The following CPEB3 variants were observed in gnomAD, a reference collection of about 807,000 sequenced individuals.
CPEB3 encodes the protein cytoplasmic polyadenylation element binding protein 3.
A neutral mutation model predicts 67.2 loss-of-function variants in CPEB3; 20 were observed. The ratio of observed to expected loss-of-function variants is 0.30; its 90% CI spans 0.21 to 0.43. The LOEUF is 0.43. CPEB3 is among the 20% of genes least tolerant of loss of function. The pLI is 1.00. For missense variants in CPEB3, 746 were observed against 968.6 expected (o/e 0.77, Z 3.05); for synonymous variants, 376 against 393.1 (o/e 0.96, Z 0.51).
At chr10:92,136,489 G>GA (rs1234449144) in intron 6 of CPEB3, among the ~76,000 whole-genome samples, 2 of 151,588 alleles carry the variant, frequency 1.3e-5, no homozygotes, top group African/African-American at 4.8e-5. Context: ...AACTCAATAG[G>GA]AAAAAAAACT....
At chr10:92,136,987 T>C (rs149811529) in intron 6 of CPEB3, 52 of 199,916 alleles carry the variant, frequency 2.6e-4, no homozygotes, top group African/African-American at 1.1e-3. Flanking sequence ...CCCTCCTCCA[T>C]GGCATCTATG....
At chr10:92,084,013 C>A (rs1843266980) in intron 8 of CPEB3, among the ~76,000 whole-genome samples, 1 of 152,024 alleles carries the variant, frequency 6.6e-6, no homozygotes, top group Non-Finnish European at 1.5e-5. Context: ...GAAACCCCGT[C>A]TCTACTAAAA....
chr10:92,148,536 G>A (rs1437333245), intron 4 of CPEB3, among the ~76,000 whole-genome samples: 2 of 151,912 alleles, frequency 1.3e-5, no homozygotes, highest in Admixed American at 1.3e-4. Flanking sequence ...TATACCATTT[G>A]GGTGCGTTTT....
chr10:92,262,556 C>A (rs1394233249), intron 1 of CPEB3, among the ~76,000 whole-genome samples: 3 of 152,096 alleles, frequency 2.0e-5, no homozygotes, highest in Non-Finnish European at 4.4e-5. Context: ...CTCTAAAACC[C>A]ATGTCTTTGG....
intron 2 of CPEB3, among the ~76,000 whole-genome samples, chr10:92,213,916 T>C (rs141012542): frequency 4.6e-5 from 7 of 152,274 alleles, no homozygotes; most frequent in Admixed American, 2.6e-4. Context: ...AACTCCAGAA[T>C]TACAGAAATA....
In CPEB3 at chr10:92,262,510, A is replaced by C. The variant is rs566815802; in HGVS notation, c.-11-22149T>G. Reference sequence around the variant, plus strand: ...CTTGTCCTGGGTTATAATGTTGGCAAGTAGAGAAGCCAGGATTCCAACCCA... The same window carrying C: ...CTTGTCCTGGGTTATAATGTTGGCACGTAGAGAAGCCAGGATTCCAACCCA... On this transcript the variant is annotated intron_variant, in intron 1 of 9. Transcript: ENST00000265997. Among the ~76,000 whole-genome samples, 3 of 152,272 alleles carry C rather than the reference A, an allele frequency of 2.0e-5. No individual in the cohort carries two copies. The East Asian group carries it at 5.8e-4, about 29-fold the overall frequency.
chr10:92,259,056 G>C (rs897469697), intron 1 of CPEB3, among the ~76,000 whole-genome samples: 2 of 151,366 alleles, frequency 1.3e-5, no homozygotes, highest in Non-Finnish European at 2.9e-5. Flanking sequence ...TCCACCTCCC[G>C]GGTTCAAGCA....
At chr10:92,109,507 C>T (rs1160589762) in intron 7 of CPEB3, among the ~76,000 whole-genome samples, 1 of 152,138 alleles carries the variant, frequency 6.6e-6, no homozygotes, top group Non-Finnish European at 1.5e-5. Flanking sequence ...CCACCTTGGC[C>T]TCCCAAAGTG....
chr10:92,230,874 G>A (rs186811585), intron 2 of CPEB3, among the ~76,000 whole-genome samples: 4 of 152,078 alleles, frequency 2.6e-5, no homozygotes, highest in African/African-American at 9.7e-5. Context: ...CAAAACTTGA[G>A]GCTCCATCCT....
intron 6 of CPEB3, among the ~76,000 whole-genome samples, chr10:92,133,197 A>T (rs1448992698): frequency 2.6e-5 from 4 of 152,208 alleles, no homozygotes; most frequent in Non-Finnish European, 2.9e-5. Flanking sequence ...TAGAGACACA[A>T]AAAACCCTTC....
At chr10:92,244,486 G>A (rs1051796847) in intron 1 of CPEB3, among the ~76,000 whole-genome samples, 2 of 151,130 alleles carry the variant, frequency 1.3e-5, no homozygotes, top group African/African-American at 4.9e-5. Flanking sequence ...TGCCTAGGCT[G>A]GAGTACAGTG....
intron 1 of CPEB3, among the ~76,000 whole-genome samples, chr10:92,276,941 G>A (rs543087710): frequency 6.6e-6 from 1 of 152,094 alleles, no homozygotes; most frequent in Admixed American, 6.6e-5. Flanking sequence ...GATTAATGAT[G>A]GTGAGCATCT....
chr10:92,256,830 A>G (rs1852537534), intron 1 of CPEB3, among the ~76,000 whole-genome samples: 1 of 152,216 alleles, frequency 6.6e-6, no homozygotes, highest in South Asian at 2.1e-4. Flanking sequence ...TCTCTATTAC[A>G]GTATTTATTC....
At chr10:92,279,309 A>G (rs1224749576) in intron 1 of CPEB3, among the ~76,000 whole-genome samples, 1 of 152,168 alleles carries the variant, frequency 6.6e-6, no homozygotes, top group Non-Finnish European at 1.5e-5. Context: ...TTCAGGGCCC[A>G]AAATGTTTAA....
At chr10:92,121,216 A>G (rs7919840) in intron 6 of CPEB3, among the ~76,000 whole-genome samples, 100,232 of 150,430 alleles carry the variant, frequency 0.67, 34,472 homozygotes, top group African/African-American at 0.83. Context: ...CACCATGTTG[A>G]CCAGGATGGT....
At chr10:92,215,312 C>T (rs1277097717) in intron 2 of CPEB3, among the ~76,000 whole-genome samples, 2 of 151,272 alleles carry the variant, frequency 1.3e-5, no homozygotes, top group Non-Finnish European at 2.9e-5. Context: ...ACCACTACAC[C>T]CAGCTAATTT....
chr10:92,281,461 A>G (rs1349092402), intron 1 of CPEB3, among the ~76,000 whole-genome samples: 4 of 152,082 alleles, frequency 2.6e-5, no homozygotes, highest in African/African-American at 9.7e-5. Flanking sequence ...CAGATACAGG[A>G]TTTCTAAACA....
chr10:92,189,140 A>T (rs916566587), intron 3 of CPEB3, among the ~76,000 whole-genome samples: 2 of 152,224 alleles, frequency 1.3e-5, no homozygotes, highest in African/African-American at 4.8e-5. Flanking sequence ...AGTACATCTT[A>T]AAGTACTAGA....
At chr10:92,133,321 A>T (rs1378838717) in intron 6 of CPEB3, among the ~76,000 whole-genome samples, 1 of 152,190 alleles carries the variant, frequency 6.6e-6, no homozygotes, top group African/African-American at 2.4e-5. Context: ...ACGCAATAAA[A>T]AATGATAAAG....
Sources: gnomAD v4.1 joint callset for allele counts (sites outside exome capture counted in the v4.1 genomes callset) on GRCh38, gnomAD v4.1.1 for gene constraint, MANE v1.5 for transcripts, NCBI Gene and HGNC (gene_info 2026-07-23, HGNC 2026-07-21) for gene names.